H6PD: variants seen among roughly 807,000 people sequenced by gnomAD.
H6PD encodes GDH/6PGL endoplasmic bifunctional protein.
A neutral mutation model predicts 61.2 loss-of-function variants in H6PD; 48 were observed. The ratio of observed to expected loss-of-function variants is 0.78; its 90% confidence interval spans 0.62 to 1.00. H6PD has a LOEUF of 1.00. Among genes scored for constraint, H6PD ranks in the 50% least tolerant of loss-of-function variants. The pLI is 0.00. For missense variants in H6PD, 1,093 were observed against 1,065.0 expected (o/e 1.03, Z -0.37); for synonymous variants, 480 against 457.9 (o/e 1.05, Z -0.62).
In H6PD at chr1:9,263,517, G is replaced by A. The variant is rs765376175; in HGVS notation, c.1024G>A (p.Val342Met). ...SLTPTFAAVL[V>M]HIDNLRWEGV... ...CTGTTCCCTCACCCCAGCCGTCCTA[G>A]TGCACATTGACAACCTTCGCTGGGA... Residue 342 changes from valine to methionine, a missense_variant, in exon 5 of 5, where the codon GTG (valine) becomes ATG (methionine). By Grantham distance (21) the Val-to-Met change is conservative (BLOSUM62 1). Transcript: ENST00000377403. The A allele has an allele frequency of 3.1e-6, 5 of 1,614,156 alleles. No individual in the cohort carries two copies. The highest frequency in any genetic ancestry group is 1.7e-5 in the Admixed American group (1 of 60,028).
chr1:9,257,322 G>C (rs916482166), intron 3 of H6PD, among the ~76,000 whole-genome samples: 1 of 151,646 alleles, frequency 6.6e-6, no homozygotes, highest in South Asian at 2.1e-4. Flanking sequence ...TAGAAACAGG[G>C]TCTCACTTTG....
rs1298644076 is a variant in H6PD, at chr1:9,247,010, T to C, written c.672T>C (p.Ala224=). 6.2e-7 allele frequency: 1 copy of C among 1,613,832 alleles called. No individual in the cohort carries two copies. Among genetic ancestry groups the C allele is most frequent in the South Asian group, 1.1e-5 (1 of 91,070 alleles). Residue 224 remains alanine (A), a synonymous_variant, in exon 3 of 5, where the codon GCT becomes GCC. Transcript: ENST00000377403. The part of the protein sequence containing the change: ...ILPFRDQNRK[A]LDGLWNRHHV... ...CTTTCCGAGACCAGAACCGCAAGGC[T>C]TTGGACGGCCTCTGGAACCGGCACC...
At chr1:9,248,526 G>A (rs1025322648) in intron 3 of H6PD, among the ~76,000 whole-genome samples, 1 of 152,118 alleles carries the variant, frequency 6.6e-6, no homozygotes, top group Non-Finnish European at 1.5e-5. Context: ...GGAGCTGGGC[G>A]CAGTGGTACA....
At position 9,264,267 on chromosome 1, in the gene H6PD, G is replaced by T. The variant is rs139680845; in HGVS notation, c.1774G>T (p.Gly592Cys). 14 of 1,610,096 alleles carry T rather than the reference G, an allele frequency of 8.7e-6. No homozygotes were observed. The highest frequency in any genetic ancestry group is 1.1e-5 in the Non-Finnish European group (13 of 1,179,398). Residue 592 changes from glycine to cysteine, a missense_variant, in exon 5 of 5, where the codon GGC (glycine) becomes TGC (cysteine). By Grantham distance (159) the Gly-to-Cys change is radical (BLOSUM62 -3). Coordinates refer to ENST00000377403, the MANE Select transcript of H6PD (RefSeq NM_004285.4). ...FGQFHLALSG[G>C]SSPVALFQQL... ...CCAGTTCCACCTGGCACTGTCGGGGGGCTCGAGCCCCGTGGCCCTGTTCCA... is the reference window on the plus strand; with the variant it reads ...CCAGTTCCACCTGGCACTGTCGGGGTGCTCGAGCCCCGTGGCCCTGTTCCA...
rs1388902203 is a variant in H6PD at position 9,267,468 on chromosome 1, A to G, written c.*2599A>G. 6.6e-6 allele frequency: 1 copy of G among 152,290 alleles called. No homozygotes were observed. Among genetic ancestry groups the G allele is most frequent in the African/African-American group, 2.4e-5 (1 of 41,444 alleles). The allele number at this position is 152,290 out of a possible 1,614,324, so 9.4% of individuals were successfully genotyped here. ...GGAGAAAGGGGCCTCCACATGCCCA[A>G]GTACCCCTGCAGGATGAAGGGCAGG... On this transcript the variant is annotated 3_prime_UTR_variant, in exon 5 of 5. Transcript: ENST00000377403.
chr1:9,239,695 C>T (rs1640942042), intron 1 of H6PD: 2 of 333,730 alleles, frequency 6.0e-6, no homozygotes, highest in African/African-American at 4.2e-5. Context: ...AGAAAATTTC[C>T]CTTCCTCCTG....
intron 1 of H6PD, among the ~76,000 whole-genome samples, chr1:9,240,888 A>C (rs570046165): frequency 6.6e-5 from 10 of 152,206 alleles, no homozygotes; most frequent in African/African-American, 2.2e-4. Context: ...GGAGCCCAGG[A>C]GATGTGTTGG....
Position 9,245,304 on chromosome 1 carries a change from A to T in H6PD, c.370A>T (p.Ile124Phe). ...GGACTATCAGGCCCTGAACAAGGACATCGAGGCACAGCTCCAGCACGCAGG... is the reference window on the plus strand; with the variant it reads ...GGACTATCAGGCCCTGAACAAGGACTTCGAGGCACAGCTCCAGCACGCAGG... ...AEDYQALNKD[I>F]EAQLQHAGLR... Residue 124 changes from isoleucine (I) to phenylalanine (F), a missense_variant, in exon 2 of 5, where the codon ATC becomes TTC. Ile to Phe is a conservative substitution (Grantham distance 21). Transcript: ENST00000377403. The surrounding 1 kb of genome is among the most constrained non-coding windows in gnomAD (Gnocchi z 4.8). 1 of 1,614,234 alleles carries T rather than the reference A, an allele frequency of 6.2e-7. No individual in the cohort carries two copies. The highest frequency in any genetic ancestry group is 2.2e-5 in the East Asian group (1 of 44,884).
At chr1:9,239,711 C>T (rs536376192) in intron 1 of H6PD, 22 of 352,628 alleles carry the variant, frequency 6.2e-5, no homozygotes, top group East Asian at 1.3e-4. Flanking sequence ...TCCTGCCTGG[C>T]GCACAGAAGG....
intron 1 of H6PD, among the ~76,000 whole-genome samples, chr1:9,244,300 A>G (rs1158768788): frequency 6.6e-6 from 1 of 152,184 alleles, no homozygotes; most frequent in Non-Finnish European, 1.5e-5. Flanking sequence ...CAGGTGAGAA[A>G]ACTGAGGTAC....
At chr1:9,259,869 G>A (rs551345839) in intron 3 of H6PD, among the ~76,000 whole-genome samples, 11 of 149,706 alleles carry the variant, frequency 7.3e-5, no homozygotes, top group South Asian at 4.2e-4. Context: ...GTGTTACGCC[G>A]GTGTTATGTT....
chr1:9,263,556 A>T lies in H6PD; in HGVS notation c.1063A>T (p.Ile355Phe). ...CCTTCGCTGGGAGGGCGTGCCTTTCATCCTGATGTCTGGCAAAGCCTTGGA... is the reference window on the plus strand; with the variant it reads ...CCTTCGCTGGGAGGGCGTGCCTTTCTTCCTGATGTCTGGCAAAGCCTTGGA... ...DNLRWEGVPFILMSGKALDER... is the reference protein window; with the variant it reads ...DNLRWEGVPFFLMSGKALDER... Residue 355 changes from isoleucine (I) to phenylalanine (F), a missense_variant, in exon 5 of 5, where the codon ATC (isoleucine) becomes TTC (phenylalanine). Transcript: ENST00000377403. 6.2e-7 allele frequency: 1 copy of T among 1,614,146 alleles called. No homozygotes were observed. Among genetic ancestry groups the T allele is most frequent in the Non-Finnish European group, 8.5e-7 (1 of 1,179,990 alleles).
rs558432307 is a variant in H6PD, at chr1:9,264,673, G to A, written c.2180G>A (p.Arg727His). The A allele has an allele frequency of 2.8e-5, 45 of 1,613,224 alleles. No homozygotes were observed. The highest frequency in any genetic ancestry group is 1.8e-4 in the Admixed American group (11 of 60,026). Residue 727 changes from arginine (R) to histidine (H), a missense_variant, in exon 5 of 5, where the codon CGC becomes CAC. By Grantham distance (29) the Arg-to-His change is conservative. Coordinates refer to ENST00000377403, the MANE Select transcript of H6PD (RefSeq NM_004285.4). ...ACCACGAGCCCCTCCCAGCCACACC[G>A]CCGCATGAGCCTTAGCCTGCCTCTC... The part of the protein sequence containing the change: ...VLTTSPSQPH[R>H]RMSLSLPLIN...
At position 9,266,566 on chromosome 1, in the gene H6PD, T is replaced by A. The variant is rs932737300; in HGVS notation, c.*1697T>A. The A allele has an allele frequency of 3.3e-5, 5 of 152,374 alleles. No homozygotes were observed. The highest frequency in any genetic ancestry group is 2.0e-4 in the Admixed American group (3 of 15,300). The allele number at this position is 152,374 out of a possible 1,614,324, so 9.4% of individuals were successfully genotyped here. A position where few individuals can be genotyped will look rare whatever the true frequency, so the allele number is the denominator to read the frequency against. On this transcript the variant is annotated 3_prime_UTR_variant, in exon 5 of 5. Transcript: ENST00000377403. ...CTCTTGGTTAAGGTCGATTTTTCTG[T>A]CTGGCTTCTCCGCACCTTCCACTTG...
chr1:9,236,683 A>C (rs1640857684), intron 1 of H6PD, among the ~76,000 whole-genome samples: 1 of 151,994 alleles, frequency 6.6e-6, no homozygotes, highest in South Asian at 2.1e-4. Context: ...AAAAAAAAAA[A>C]AAAAAGCAGC....
intron 3 of H6PD, among the ~76,000 whole-genome samples, chr1:9,247,611 C>CCTTGT (rs1168696221): frequency 6.6e-6 from 1 of 152,180 alleles, no homozygotes; most frequent in Non-Finnish European, 1.5e-5. Context: ...CACAGTGTTA[C>CCTTGT]CCTTGCCTCG....
At chr1:9,236,715 T>C (rs1162753662) in intron 1 of H6PD, among the ~76,000 whole-genome samples, 1 of 151,520 alleles carries the variant, frequency 6.6e-6, no homozygotes, top group Non-Finnish European at 1.5e-5. Flanking sequence ...GGGTGCTTAC[T>C]GTATGCCAGG....
intron 3 of H6PD, among the ~76,000 whole-genome samples, chr1:9,247,571 C>T (rs1191775712): frequency 6.6e-6 from 1 of 152,138 alleles, no homozygotes; most frequent in Non-Finnish European, 1.5e-5. Context: ...CTCACCCTCA[C>T]GGCGCCACAC....
At chr1:9,263,458 AG>A in intron 4 of H6PD, 50 bp from the exon 5 acceptor site, 1 of 1,582,594 alleles carries the variant, frequency 6.3e-7, no homozygotes, top group South Asian at 1.1e-5. Flanking sequence ...GGCTGGCCGG[AG>A]AGTCCTGGTC....
Sources: allele counts gnomAD v4.1 joint callset (sites outside exome capture counted in the v4.1 genomes callset), GRCh38; gene constraint gnomAD v4.1.1; non-coding constraint Gnocchi (gnomAD v3.1); transcripts MANE v1.5; gene names NCBI Gene and HGNC (gene_info 2026-07-23, HGNC 2026-07-21).